The following VPS13C variants were observed in gnomAD, a reference collection of about 807,000 sequenced individuals.
VPS13C encodes the protein vacuolar protein sorting 13 homolog C.
A neutral mutation model predicts 456.8 loss-of-function variants in VPS13C; 358 were observed. The observed-to-expected ratio is 0.78, with a 90% CI of 0.72 to 0.86. VPS13C has a LOEUF of 0.86. VPS13C is among the 40% of genes least tolerant of loss of function. The pLI is 0.00. For missense variants in VPS13C, 4,818 were observed against 4,385.4 expected, an observed-to-expected ratio of 1.10 and a Z score of -2.79; for synonymous variants, 1,578 against 1,486.7, an observed-to-expected ratio of 1.06 and a Z score of -1.41.
chr15:61,928,155 C>T (rs1002632606), intron 51 of VPS13C, among the ~76,000 whole-genome samples: 4 of 152,034 alleles, frequency 2.6e-5, no homozygotes, highest in African/African-American at 9.7e-5. Flanking sequence ...AACAAACCTG[C>T]ATGCTGTGCA....
chr15:61,946,272 A>T (rs2044601897), intron 44 of VPS13C, 35 bp downstream of exon 44: 1 of 1,500,734 alleles, frequency 6.7e-7, no homozygotes. Context: ...AAAAGGCAAA[A>T]TAAATTCCAA....
intron 63 of VPS13C, among the ~76,000 whole-genome samples, chr15:61,911,037 T>C (rs575419512): frequency 1.2e-4 from 18 of 152,224 alleles, no homozygotes; most frequent in Non-Finnish European, 2.1e-4. Flanking sequence ...TATATTGTAA[T>C]TGGAATCCTT....
intron 66 of VPS13C, among the ~76,000 whole-genome samples, chr15:61,903,164 GA>G (rs936996282): frequency 2.0e-5 from 3 of 150,744 alleles, no homozygotes; most frequent in African/African-American, 7.3e-5. Context: ...CGTCTCTACA[GA>G]AAAAAAACAA....
intron 67 of VPS13C, among the ~76,000 whole-genome samples, chr15:61,888,308 AC>A (rs1409421501): frequency 6.6e-6 from 1 of 152,204 alleles, no homozygotes; most frequent in Non-Finnish European, 1.5e-5. Flanking sequence ...AACTAAACAT[AC>A]TTTTATCATA....
chr15:62,051,287 G>A (rs907299993), intron 1 of VPS13C, among the ~76,000 whole-genome samples: 1 of 152,130 alleles, frequency 6.6e-6, no homozygotes, highest in African/African-American at 2.4e-5. Context: ...ATTGTACTGG[G>A]GTGGAACCAA....
chr15:61,950,976 T>C lies in VPS13C; in HGVS notation c.4505A>G (p.Asp1502Gly), dbSNP rs756118687. The change falls in exon 40 of 85, where the codon GAC (aspartate) becomes GGC (glycine). Residue 1502 changes from aspartate to glycine, a missense_variant. This residue lies in a region of VPS13C where 4,552 missense variants were observed against 4,130.6 expected (regional missense o/e 1.10). Transcript: ENST00000644861. ...CAGTAACATTTTCAGAAGGGGTTCG[T>C]CAGTCACATTAGAAGAGTTAATAAT... ...LHIINSSNVT[D>G]EPLLKMLLTK... is the part of the protein sequence containing the mutation. 1 of 1,604,498 alleles carries C rather than the reference T, an allele frequency of 6.2e-7. No individual in the cohort carries two copies. Among genetic ancestry groups the C allele is most frequent in the Non-Finnish European group, 8.5e-7 (1 of 1,176,008 alleles).
intron 79 of VPS13C, among the ~76,000 whole-genome samples, chr15:61,870,237 A>G (rs537708789): frequency 6.6e-6 from 1 of 152,006 alleles, no homozygotes; most frequent in South Asian, 2.1e-4. Flanking sequence ...TATTTCCCCC[A>G]GCCTCTCCCC....
At chr15:61,929,890 C>G (rs538839345) in intron 50 of VPS13C, 142 bp from the exon 51 acceptor site, 1 of 812,176 alleles carries the variant, frequency 1.2e-6, no homozygotes, top group South Asian at 2.1e-5. Flanking sequence ...TAACTAGAAT[C>G]TAATTTATCC....
intron 16 of VPS13C, among the ~76,000 whole-genome samples, chr15:61,997,829 C>T (rs2140445364): frequency 6.6e-6 from 1 of 151,996 alleles, no homozygotes; most frequent in East Asian, 1.9e-4. Context: ...AACTGCTCCC[C>T]CTGTCTTCAC....
At position 61,933,006 on chromosome 15, in the gene VPS13C, T is replaced by C. The variant is rs372391276; in HGVS notation, c.5868+1213A>G. On this transcript the variant is annotated intron_variant, in intron 49 of 84. Coordinates refer to ENST00000644861, the MANE Select transcript of VPS13C (RefSeq NM_020821.3). ...ATTTAGGAAACTGAAGTTGTGCCAA[T>C]ATCTAGGATGGATGAAAGGTAAAAA... Among the ~76,000 whole-genome samples the C allele has an allele frequency of 7.2e-5, 11 of 152,292 alleles. No homozygotes were observed. In the East Asian group the frequency reaches 1.2e-3, roughly 16 times the overall value.
At chr15:61,979,877 G>T (rs926355183) in intron 22 of VPS13C, among the ~76,000 whole-genome samples, 12 of 151,954 alleles carry the variant, frequency 7.9e-5, no homozygotes, top group African/African-American at 2.9e-4. Flanking sequence ...TTTCTTCAAA[G>T]AATTATAATA....
rs184295855 is a variant in VPS13C, at chr15:62,012,094, T to C, written c.883+13A>G. On this transcript the variant is annotated intron_variant, in intron 12 of 84. Transcript: ENST00000644861. Reference sequence around the variant, plus strand: ...CTTCCTATAACATGAAATAAACTTTTACTATTACTTACTGTATTGATAATT... The same window carrying C: ...CTTCCTATAACATGAAATAAACTTTCACTATTACTTACTGTATTGATAATT... 11 of 1,405,756 alleles carry C rather than the reference T, an allele frequency of 7.8e-6. No homozygotes were observed. Among genetic ancestry groups the C allele is most frequent in the Middle Eastern group, 3.6e-4 (2 of 5,576 alleles). The allele number at this position is 1,405,756 out of a possible 1,614,324, so 87.1% of individuals were successfully genotyped here. A position where few individuals can be genotyped will look rare whatever the true frequency, so the allele number is the denominator to read the frequency against.
In VPS13C at chr15:61,945,704, T is replaced by A; in HGVS notation, c.5148+11A>T. 6.4e-7 allele frequency: 1 copy of A among 1,571,302 alleles called. No individual in the cohort carries two copies. Among genetic ancestry groups the A allele is most frequent in the South Asian group, 1.2e-5 (1 of 83,322 alleles). On this transcript the variant is annotated intron_variant, in intron 45 of 84. Coordinates refer to ENST00000644861, the MANE Select transcript of VPS13C (RefSeq NM_020821.3). ...CCTCAGTGAGGAATAAATATATTTT[T>A]AAAAACTTACCAAAAGAGACATGAA...
At chr15:61,972,523 T>C in intron 27 of VPS13C, 102 bp downstream of exon 27, 1 of 1,277,818 alleles carries the variant, frequency 7.8e-7, no homozygotes, top group Non-Finnish European at 1.1e-6. Context: ...AAAGACAGAG[T>C]ACCACATTTT....
chr15:62,037,285 ATATTAT>A (rs1170943141), intron 3 of VPS13C, among the ~76,000 whole-genome samples: 2 of 72,424 alleles, frequency 2.8e-5, no homozygotes, highest in African/African-American at 1.2e-4. Context: ...TATATTATAT[ATATTAT>A]ATTATATAAT....
At chr15:61,866,381 T>C (rs893414120) in intron 81 of VPS13C, 9 of 983,118 alleles carry the variant, frequency 9.2e-6, no homozygotes, top group Admixed American at 6.2e-5. Context: ...TGACAGAGAG[T>C]TATAAAAAGA....
rs34997975 is a variant in VPS13C, at chr15:61,929,987, T to C, written c.6039-239A>G. Among the ~76,000 whole-genome samples the C allele has an allele frequency of 0.066, 10,089 of 152,274 alleles. 360 individuals carry two copies. Among genetic ancestry groups the C allele is most frequent in the Non-Finnish European group, 0.081 (5,481 of 68,006 alleles). ...ATTTTATACTTACAATGCAATTCTATATGTTATTGCATTATAATGCAATTT... is the reference window on the plus strand; with the variant it reads ...ATTTTATACTTACAATGCAATTCTACATGTTATTGCATTATAATGCAATTT... On this transcript the variant is annotated intron_variant, in intron 50 of 84. Transcript: ENST00000644861.
rs569555380 is a variant in VPS13C, at chr15:61,909,541, C to T, written c.8845-416G>A. Among the ~76,000 whole-genome samples, 5 of 152,276 alleles carry T rather than the reference C, an allele frequency of 3.3e-5. No homozygotes were observed. The East Asian group carries it at 5.8e-4, about 18-fold the overall frequency. ...AAGTTCTTACTAAAAAGCAAACTGG[C>T]TCTGATCTGTTATAAATATATGTTG... On this transcript the variant is annotated intron_variant, in intron 64 of 84. Coordinates refer to ENST00000644861, the MANE Select transcript of VPS13C (RefSeq NM_020821.3).
chr15:61,884,505 T>C (rs1896123451), intron 67 of VPS13C, among the ~76,000 whole-genome samples: 1 of 152,074 alleles, frequency 6.6e-6, no homozygotes, highest in Admixed American at 6.6e-5. Context: ...TGGCAAACTT[T>C]TTCTGCAGAG....
Sources: gnomAD v4.1 joint callset for allele counts (sites outside exome capture counted in the v4.1 genomes callset) on GRCh38, gnomAD v4.1.1 for gene constraint, gnomAD v4.1.1 regional missense constraint, MANE v1.5 for transcripts, NCBI Gene and HGNC (gene_info 2026-07-23, HGNC 2026-07-21) for gene names.